PTBP2: variants seen among roughly 807,000 people sequenced by gnomAD.
PTBP2 encodes the protein polypyrimidine tract-binding protein 2.
Under a neutral mutation model 61.4 loss-of-function variants are expected in PTBP2, and 13 were observed. That is an observed-to-expected ratio of 0.21 (90% confidence interval 0.14 to 0.34). The LOEUF is 0.34. PTBP2 is among the 10% of genes least tolerant of loss of function. PTBP2 has a pLI of 1.00. For synonymous variants in PTBP2, 215 were observed against 218.5 expected (o/e 0.98, Z 0.14); for missense variants, 405 against 642.6 (o/e 0.63, Z 4.00).
chr1:96,765,708 TTAGATAGATAGATAGA>T (rs34315705), intron 3 of PTBP2, among the ~76,000 whole-genome samples: 15 of 147,392 alleles, frequency 1.0e-4, no homozygotes, highest in African/African-American at 2.5e-4. Context: ...AGACTCTGTC[TTAGATAGATAGATAGA>T]TAGATAGATA....
chr1:96,782,089 C>A (rs1269357329), intron 7 of PTBP2, among the ~76,000 whole-genome samples: 1 of 151,918 alleles, frequency 6.6e-6, no homozygotes, highest in Non-Finnish European at 1.5e-5. Flanking sequence ...ATAGTCCTTA[C>A]ATTATAACAC....
At chr1:96,731,460 T>G (rs1651398876) in intron 2 of PTBP2, among the ~76,000 whole-genome samples, 2 of 152,184 alleles carry the variant, frequency 1.3e-5, no homozygotes, top group Admixed American at 1.3e-4. Context: ...ACTGCCTGTT[T>G]GTGTACTGGA....
chr1:96,806,816 A>G, intron 10 of PTBP2, 50 bp from the exon 11 acceptor site: 1 of 1,382,532 alleles, frequency 7.2e-7, no homozygotes, highest in African/African-American at 1.5e-5. Context: ...GGTGACTTCC[A>G]CATAAAATTA....
chr1:96,815,542 TC>T (rs1346948715), downstream of PTBP2: 1 of 152,218 alleles, frequency 6.6e-6, no homozygotes, highest in African/African-American at 2.4e-5. Context: ...GGTCAGTTTT[TC>T]TAAACAGATA....
chr1:96,749,693 CACTT>C (rs1158255121), intron 2 of PTBP2: 9 of 455,332 alleles, frequency 2.0e-5, no homozygotes, highest in East Asian at 7.0e-5. Flanking sequence ...TAACGTAATT[CACTT>C]ACTTAGTCAA....
At chr1:96,773,823 C>T (rs1036530307) in intron 5 of PTBP2, among the ~76,000 whole-genome samples, 4 of 151,586 alleles carry the variant, frequency 2.6e-5, no homozygotes, top group African/African-American at 7.3e-5. Flanking sequence ...ATTAGCTGGG[C>T]GTGGTGGCGG....
At chr1:96,722,592 A>AAATT (rs1649765247) in intron 1 of PTBP2, among the ~76,000 whole-genome samples, 1 of 152,246 alleles carries the variant, frequency 6.6e-6, no homozygotes, top group African/African-American at 2.4e-5. Flanking sequence ...AAGGGCCCAG[A>AAATT]AATTAAATCA....
intron 8 of PTBP2, among the ~76,000 whole-genome samples, chr1:96,796,290 CAAAA>C (rs35764825): frequency 7.3e-5 from 9 of 123,088 alleles, no homozygotes; most frequent in Admixed American, 8.0e-5. Context: ...CCGTCTCCAC[CAAAA>C]AAAAAAAAAA....
At chr1:96,723,515 T>C in intron 1 of PTBP2, 49 bp from the exon 2 acceptor site, 1 of 1,510,942 alleles carries the variant, frequency 6.6e-7, no homozygotes, top group South Asian at 1.3e-5. Context: ...AAAGAGTGAG[T>C]GATTAGAAGA....
intron 2 of PTBP2, among the ~76,000 whole-genome samples, chr1:96,723,930 A>G (rs940590759): frequency 3.9e-5 from 6 of 152,316 alleles, no homozygotes; most frequent in Non-Finnish European, 8.8e-5. Flanking sequence ...TTTGACCTAT[A>G]TCTTATAATT....
At chr1:96,756,750 TAAA>T (rs2100938631) in intron 3 of PTBP2, among the ~76,000 whole-genome samples, 1 of 152,208 alleles carries the variant, frequency 6.6e-6, no homozygotes, top group East Asian at 1.9e-4. Flanking sequence ...ATGGAGACAG[TAAA>T]AATCAGTGGT....
chr1:96,750,946 G>A (rs925890036), intron 2 of PTBP2, among the ~76,000 whole-genome samples: 1 of 151,786 alleles, frequency 6.6e-6, no homozygotes, highest in Non-Finnish European at 1.5e-5. Flanking sequence ...CTTTGCTTTC[G>A]GTGTTCTAGC....
intron 3 of PTBP2, among the ~76,000 whole-genome samples, chr1:96,763,640 G>T (rs1656311283): frequency 6.7e-6 from 1 of 148,870 alleles, no homozygotes. Flanking sequence ...GGGCTGTTCT[G>T]TTTTTTTAAC....
intron 11 of PTBP2, among the ~76,000 whole-genome samples, chr1:96,809,093 GTA>G (rs1484689702): frequency 6.6e-6 from 1 of 152,142 alleles, no homozygotes; most frequent in Non-Finnish European, 1.5e-5. Context: ...AACAGTTTAT[GTA>G]TATGTGTGCC....
chr1:96,745,057 GTTTA>G (rs1429844134), intron 2 of PTBP2, among the ~76,000 whole-genome samples: 1 of 151,934 alleles, frequency 6.6e-6, no homozygotes, highest in Admixed American at 6.6e-5. Context: ...ATTAATCAAA[GTTTA>G]TTTGTGAGAA....
At chr1:96,750,415 T>A (rs923424368) in intron 2 of PTBP2, among the ~76,000 whole-genome samples, 3 of 151,934 alleles carry the variant, frequency 2.0e-5, no homozygotes, top group Non-Finnish European at 4.4e-5. Context: ...TTTGTGCATT[T>A]GATGCTAATA....
chr1:96,773,142 AAAAAG>A (rs1174462531), intron 5 of PTBP2, among the ~76,000 whole-genome samples: 2 of 135,086 alleles, frequency 1.5e-5, no homozygotes, highest in Non-Finnish European at 3.3e-5. Context: ...AAAAAAAAAA[AAAAAG>A]AGTAAAGCTG....
chr1:96,753,892 A>G (rs550010051), intron 3 of PTBP2, among the ~76,000 whole-genome samples: 2 of 152,322 alleles, frequency 1.3e-5, no homozygotes, highest in South Asian at 4.1e-4. Context: ...AATCTGTCAG[A>G]GAGGAGAAAG....
At chr1:96,787,983 A>G (rs1195204333) in intron 8 of PTBP2, among the ~76,000 whole-genome samples, 2 of 152,148 alleles carry the variant, frequency 1.3e-5, no homozygotes, top group Non-Finnish European at 2.9e-5. Flanking sequence ...AAATTTCTTC[A>G]TCTAAAGGTG....
Sources: allele counts gnomAD v4.1 joint callset (sites outside exome capture counted in the v4.1 genomes callset), GRCh38; gene constraint gnomAD v4.1.1; transcripts MANE v1.5; gene names NCBI Gene and HGNC (gene_info 2026-07-23, HGNC 2026-07-21).